Variants in SASH1 observed in about 807,000 individuals in gnomAD.
SASH1 encodes the protein SAM and SH3 domain containing 1.
SASH1 carries 44 observed loss-of-function variants against 125.2 expected under a neutral mutation model. The ratio of observed to expected loss-of-function variants is 0.35; its 90% CI spans 0.28 to 0.45. The LOEUF (loss-of-function observed/expected upper bound fraction) is 0.45, where lower values mean the gene tolerates loss of function less well. Ranked by LOEUF, SASH1 falls within the 20% of genes least tolerant of loss-of-function variation. The probability of loss-of-function intolerance (pLI) is 1.00; values close to 1 mark genes in which losing one functional copy is unlikely to be tolerated. For missense variants in SASH1, 1,426 were observed against 1,614.5 expected, an observed-to-expected ratio of 0.88 and a Z score of 2.00; for synonymous variants, 639 against 649.1, an observed-to-expected ratio of 0.98 and a Z score of 0.24.
intron 13 of SASH1, among the ~76,000 whole-genome samples, chr6:148,531,941 G>T (rs1236879591): frequency 6.6e-6 from 1 of 152,142 alleles, no homozygotes; most frequent in African/African-American, 2.4e-5. Context: ...GAATAAGCCA[G>T]GGAGACAAGC....
chr6:148,299,671 G>GAAAGAAAAAAAA (rs1248322551), intron 1 of SASH1, among the ~76,000 whole-genome samples: 1 of 114,978 alleles, frequency 8.7e-6, no homozygotes, highest in Non-Finnish European at 1.9e-5. Context: ...CACCTCAAAA[G>GAAAGAAAAAAAA]AAAAAAAAAA....
At chr6:148,194,041 A>G in the SASH1 span, among the ~76,000 whole-genome samples, 1 of 152,244 alleles carries the variant, frequency 6.6e-6, no homozygotes, top group African/African-American at 2.4e-5. Flanking sequence ...ATACATAAAC[A>G]TGATCAGAAG....
At chr6:148,340,713 G>A (rs1164137579), upstream of SASH1, among the ~76,000 whole-genome samples, 1 of 152,098 alleles carries the variant, frequency 6.6e-6, no homozygotes, top group Non-Finnish European at 1.5e-5. Flanking sequence ...GCCTAACTCC[G>A]GCATCAGCCT....
At chr6:148,307,448 C>T (rs965904330) in intron 1 of SASH1, among the ~76,000 whole-genome samples, 3 of 152,082 alleles carry the variant, frequency 2.0e-5, no homozygotes, top group African/African-American at 7.2e-5. Context: ...GGAGAGGAAG[C>T]TGGGAGCCCT....
At chr6:148,392,690 A>G (rs765185609) in intron 2 of SASH1, among the ~76,000 whole-genome samples, 24 of 152,304 alleles carry the variant, frequency 1.6e-4, no homozygotes, top group Middle Eastern at 3.4e-3. Flanking sequence ...ATGTTCACCA[A>G]TTTAGTAGCT....
intron 1 of SASH1, among the ~76,000 whole-genome samples, chr6:148,280,077 C>T (rs1301756882): frequency 3.4e-5 from 4 of 118,244 alleles, no homozygotes; most frequent in Non-Finnish European, 7.0e-5. Flanking sequence ...ATCATTCCCC[C>T]CCGACATAAC....
chr6:148,443,184 G>C (rs1776622007), intron 4 of SASH1, among the ~76,000 whole-genome samples: 1 of 148,930 alleles, frequency 6.7e-6, no homozygotes, highest in Non-Finnish European at 1.5e-5. Flanking sequence ...CGGCATGTTG[G>C]TGTCACGTCT....
At position 148,416,168 on chromosome 6, in the gene SASH1, A is replaced by G. The variant is rs955850158; in HGVS notation, c.286-24016A>G. ...TGACACACTCACCTATATGGACATG[A>G]CATCTGGGCAGACAGGATGCAATTT... On this transcript the variant is annotated intron_variant, in intron 2 of 19. Transcript: ENST00000367467. 2.6e-5 allele frequency among the ~76,000 whole-genome samples: 4 copies of G among 152,214 alleles called. No individual in the cohort carries two copies. The South Asian group carries it at 8.3e-4, about 32-fold the overall frequency.
At chr6:148,333,871 G>A (rs1302245202) in intron 1 of SASH1, among the ~76,000 whole-genome samples, 1 of 151,882 alleles carries the variant, frequency 6.6e-6, no homozygotes, top group Admixed American at 6.6e-5. Context: ...CGCCCAGGCT[G>A]GACTGCAGTG....
At chr6:148,320,071 T>A (rs956850225) in intron 1 of SASH1, among the ~76,000 whole-genome samples, 4 of 152,210 alleles carry the variant, frequency 2.6e-5, no homozygotes, top group African/African-American at 9.6e-5. Flanking sequence ...ATTGTTCTAT[T>A]TTATCGTTAG....
intron 1 of SASH1, among the ~76,000 whole-genome samples, chr6:148,281,147 AG>A (rs1171352832): frequency 7.7e-6 from 1 of 130,520 alleles, no homozygotes; most frequent in East Asian, 2.4e-4. Flanking sequence ...TAGTAGAGAC[AG>A]GGTTTCACCG....
chr6:148,345,240 G>A (rs142425704), intron 1 of SASH1, among the ~76,000 whole-genome samples: 65 of 152,170 alleles, frequency 4.3e-4, no homozygotes, highest in African/African-American at 1.5e-3. Flanking sequence ...AAGAGGGTTG[G>A]CCAGTGGCAT....
chr6:148,501,707 C>T (rs1779567405), intron 8 of SASH1, among the ~76,000 whole-genome samples: 1 of 152,146 alleles, frequency 6.6e-6, no homozygotes, highest in Admixed American at 6.5e-5. Context: ...GAAGGAGAAG[C>T]CAGTCCTCTC....
intron 2 of SASH1, among the ~76,000 whole-genome samples, chr6:148,439,369 G>A (rs79116644): frequency 0.017 from 2,579 of 152,266 alleles, 75 homozygotes; most frequent in African/African-American, 0.059. Context: ...TTTGTGTTAG[G>A]GAAGTATAGT....
chr6:148,474,404 G>A (rs1027553142), intron 7 of SASH1, among the ~76,000 whole-genome samples, 182 bp downstream of exon 7: 5 of 152,282 alleles, frequency 3.3e-5, no homozygotes, highest in South Asian at 2.1e-4. Flanking sequence ...CAATGAAAAC[G>A]TGAATGAATG....
chr6:148,344,244 TCA>T (rs1401072433), intron 1 of SASH1, among the ~76,000 whole-genome samples: 1 of 152,206 alleles, frequency 6.6e-6, no homozygotes, highest in African/African-American at 2.4e-5. Context: ...TCTCTGATCC[TCA>T]GTTTCATCAC....
Position 148,440,171 on chromosome 6 carries a change from T to C in SASH1, c.286-13T>C. 1 of 1,613,934 alleles carries C rather than the reference T, an allele frequency of 6.2e-7. No homozygotes were observed. Among genetic ancestry groups the C allele is most frequent in the East Asian group, 2.2e-5 (1 of 44,884 alleles). On this transcript the variant is annotated splice_polypyrimidine_tract_variant and intron_variant, in intron 2 of 19. Transcript: ENST00000367467. ...TTGGAAGTCCCGTTAAACTGGCATC[T>C]GTTCTGTTTTAGGAGAAACCCGATG...
Position 148,543,830 on chromosome 6 carries a change from T to C in SASH1, c.2360T>C (p.Leu787Pro). 6.2e-7 allele frequency: 1 copy of C among 1,614,062 alleles called. No individual in the cohort carries two copies. Among genetic ancestry groups the C allele is most frequent in the African/African-American group, 1.3e-5 (1 of 74,910 alleles). ...ALKQGQEEGR[L>P]GGGLAPDTSK... ...AAGCAGGGACAGGAGGAGGGCAGGCTGGGTGGTGGCCTTGCCCCAGACACG... is the reference window on the plus strand; with the variant it reads ...AAGCAGGGACAGGAGGAGGGCAGGCCGGGTGGTGGCCTTGCCCCAGACACG... Residue 787 changes from leucine (L) to proline (P), a missense_variant, in exon 18 of 20, where the codon CTG becomes CCG. By Grantham distance (98) the Leu-to-Pro change is moderately conservative (BLOSUM62 -3). Coordinates refer to ENST00000367467, the MANE Select transcript of SASH1 (RefSeq NM_015278.5).
intron 1 of SASH1, among the ~76,000 whole-genome samples, chr6:148,317,200 C>T (rs549117656): frequency 3.9e-5 from 6 of 152,304 alleles, no homozygotes; most frequent in Non-Finnish European, 1.5e-5. Flanking sequence ...CTAAATACTT[C>T]TCTTGGATGA....
Sources: gnomAD v4.1 joint callset for allele counts (sites outside exome capture counted in the v4.1 genomes callset) on GRCh38, gnomAD v4.1.1 for gene constraint, MANE v1.5 for transcripts, NCBI Gene and HGNC (gene_info 2026-07-23, HGNC 2026-07-21) for gene names.